Variants in MAGI2 observed in about 807,000 individuals in gnomAD.
MAGI2 encodes the protein membrane-associated guanylate kinase, WW and PDZ domain-containing protein 2.
A neutral mutation model predicts 133.3 loss-of-function variants in MAGI2; 35 were observed. That is an observed-to-expected ratio of 0.26 (90% CI 0.20 to 0.35). The LOEUF (loss-of-function observed/expected upper bound fraction) is 0.35. Ranked by LOEUF, MAGI2 falls within the 10% of genes least tolerant of loss-of-function variation. MAGI2 has a pLI of 1.00. For synonymous variants in MAGI2, 729 were observed against 710.6 expected, an observed-to-expected ratio of 1.03 and a Z score of -0.41; for missense variants, 1,636 against 1,863.4, an observed-to-expected ratio of 0.88 and a Z score of 2.25.
At chr7:79,266,794 C>T (rs1021533801) in intron 1 of MAGI2, among the ~76,000 whole-genome samples, 2 of 152,118 alleles carry the variant, frequency 1.3e-5, no homozygotes, top group Admixed American at 6.5e-5. Context: ...AGCAGGAACC[C>T]TTCTTAGGAA....
chr7:79,108,695 T>C (rs10241761), intron 1 of MAGI2, among the ~76,000 whole-genome samples: 1 of 152,198 alleles, frequency 6.6e-6, no homozygotes, highest in Non-Finnish European at 1.5e-5. Flanking sequence ...TATAATTTCA[T>C]GGGAAAAGTG....
intron 2 of MAGI2, among the ~76,000 whole-genome samples, chr7:78,802,494 G>A (rs1788155556): frequency 6.6e-6 from 1 of 151,984 alleles, no homozygotes; most frequent in African/African-American, 2.4e-5. Context: ...CTCTCATCAC[G>A]CACTTTACTG....
intron 10 of MAGI2, among the ~76,000 whole-genome samples, chr7:78,209,049 T>C (rs112088676): frequency 0.54 from 76,072 of 141,664 alleles, 20,535 homozygotes; most frequent in East Asian, 0.65. Flanking sequence ...GGTGAAACCC[T>C]GTCTCTACTA....
intron 1 of MAGI2, among the ~76,000 whole-genome samples, chr7:79,407,648 G>A (rs1845895914): frequency 6.6e-6 from 1 of 152,048 alleles, no homozygotes; most frequent in Non-Finnish European, 1.5e-5. Context: ...TCAGTTGTAA[G>A]GCCTTTCCCA....
At chr7:78,285,757 C>G (rs1281806328) in intron 9 of MAGI2, 1 of 152,070 alleles carries the variant, frequency 6.6e-6, no homozygotes, top group African/African-American at 2.4e-5. Context: ...TGCGTGGGGT[C>G]CAAGATTCTG....
chr7:79,436,404 A>T (rs1389306917), intron 1 of MAGI2, among the ~76,000 whole-genome samples: 3 of 152,182 alleles, frequency 2.0e-5, no homozygotes, highest in Admixed American at 6.5e-5. Flanking sequence ...CTATCAACAG[A>T]GTAAACAGAC....
chr7:79,028,249 A>C (rs867589548), intron 1 of MAGI2, among the ~76,000 whole-genome samples: 27 of 28,718 alleles, frequency 9.4e-4, no homozygotes, highest in African/African-American at 1.6e-3. Context: ...ATATATATAT[A>C]TATATATATA....
chr7:78,212,449 C>A (rs6957369), intron 10 of MAGI2, among the ~76,000 whole-genome samples: 43,555 of 152,028 alleles, frequency 0.29, 6,916 homozygotes, highest in Admixed American at 0.35. Flanking sequence ...TGACTTGCTG[C>A]AGCTGCCCTG....
At chr7:78,533,793 A>G (rs1352183203) in intron 3 of MAGI2, among the ~76,000 whole-genome samples, 3 of 152,228 alleles carry the variant, frequency 2.0e-5, no homozygotes, top group African/African-American at 7.2e-5. Context: ...GTAAGACTCA[A>G]TAAGTAGTCA....
chr7:78,137,460 C>G (rs1465846983), intron 16 of MAGI2, among the ~76,000 whole-genome samples: 3 of 152,134 alleles, frequency 2.0e-5, no homozygotes, highest in Non-Finnish European at 4.4e-5. Flanking sequence ...TTACTATTAT[C>G]TTTTAAATAT....
intron 2 of MAGI2, among the ~76,000 whole-genome samples, chr7:78,844,387 A>C (rs1792405639): frequency 6.6e-6 from 1 of 151,878 alleles, no homozygotes; most frequent in African/African-American, 2.4e-5. Context: ...ATAATAGTCC[A>C]AAGGTAGAAA....
intron 9 of MAGI2, among the ~76,000 whole-genome samples, chr7:78,317,365 T>A (rs149906384): frequency 2.3e-4 from 35 of 152,332 alleles, no homozygotes; most frequent in South Asian, 4.1e-4. Flanking sequence ...GTGTACTGTT[T>A]CTGTACTAAA....
chr7:78,458,291 T>C (rs1435636649), intron 6 of MAGI2, among the ~76,000 whole-genome samples: 2 of 28,724 alleles, frequency 7.0e-5, no homozygotes, highest in East Asian at 4.0e-3. Flanking sequence ...CAAAACTCGG[T>C]CTCAAAAAAA....
chr7:78,787,011 G>A (rs923724732), intron 2 of MAGI2, among the ~76,000 whole-genome samples: 6 of 151,310 alleles, frequency 4.0e-5, no homozygotes, highest in African/African-American at 9.7e-5. Flanking sequence ...GTGTAGTGGC[G>A]CGATCTCGGC....
intron 6 of MAGI2, among the ~76,000 whole-genome samples, chr7:78,434,466 G>A (rs1338999470): frequency 1.3e-5 from 2 of 152,102 alleles, no homozygotes; most frequent in Non-Finnish European, 2.9e-5. Flanking sequence ...GGGTTCACTG[G>A]CTTGGGCAGC....
intron 1 of MAGI2, among the ~76,000 whole-genome samples, chr7:79,293,289 C>T (rs1035730464): frequency 2.0e-5 from 3 of 152,072 alleles, no homozygotes; most frequent in African/African-American, 7.2e-5. Flanking sequence ...TCTTTATTCC[C>T]TTCTTTCATT....
chr7:78,274,873 G>C (rs560939936), intron 9 of MAGI2, among the ~76,000 whole-genome samples: 13 of 152,160 alleles, frequency 8.5e-5, no homozygotes, highest in Non-Finnish European at 1.5e-4. Context: ...TAGCTTGCTG[G>C]GCTCTGTGGG....
In MAGI2 at chr7:79,326,597, T is replaced by C. The variant is rs183823788; in HGVS notation, c.301+126423A>G. The stretch of plus-strand genomic sequence containing the variant: ...AATTATGTTGTAGTGATAATACGCC[T>C]TGGAAACCTCTTAGTAAAAATATTA... On this transcript the variant is annotated intron_variant, in intron 1 of 21. Coordinates refer to ENST00000354212, the MANE Select transcript of MAGI2 (RefSeq NM_012301.4). Among the ~76,000 whole-genome samples, 187 of 152,232 alleles carry C rather than the reference T, an allele frequency of 1.2e-3. 2 individuals are homozygous for C. The East Asian group carries it at 0.027, about 22-fold the overall frequency.
chr7:78,577,866 G>C (rs1802430963), intron 3 of MAGI2, among the ~76,000 whole-genome samples: 1 of 152,016 alleles, frequency 6.6e-6, no homozygotes, highest in Non-Finnish European at 1.5e-5. Context: ...CTTAGCTTGG[G>C]CTCAGAGGCC....
Sources: allele counts gnomAD v4.1 joint callset (sites outside exome capture counted in the v4.1 genomes callset), GRCh38; gene constraint gnomAD v4.1.1; transcripts MANE v1.5; gene names NCBI Gene and HGNC (gene_info 2026-07-23, HGNC 2026-07-21).